The following TSNARE1 variants were observed in gnomAD, a reference collection of about 807,000 sequenced individuals.
TSNARE1 encodes t-SNARE domain-containing protein 1.
TSNARE1 carries 49 observed loss-of-function variants against 62.0 expected under a neutral mutation model. That is an observed-to-expected ratio of 0.79 (90% CI 0.63 to 1.00). The LOEUF (loss-of-function observed/expected upper bound fraction) is 1.00, where lower values mean the gene tolerates loss of function less well. Ranked by LOEUF, TSNARE1 falls within the 50% of genes least tolerant of loss-of-function variation. The pLI, the probability that TSNARE1 is intolerant of heterozygous loss-of-function variation, is 0.00. For missense variants in TSNARE1, 755 were observed against 700.1 expected, an observed-to-expected ratio of 1.08 and a Z score of -0.88; for synonymous variants, 328 against 294.4, an observed-to-expected ratio of 1.11 and a Z score of -1.17.
chr8:142,323,139 C>G (rs943282958), intron 6 of TSNARE1, among the ~76,000 whole-genome samples: 2 of 152,248 alleles, frequency 1.3e-5, no homozygotes, highest in Non-Finnish European at 2.9e-5. Flanking sequence ...CTAGCCATGT[C>G]TGTGGGCTGG....
At chr8:142,248,783 C>A (rs1818013904) in intron 12 of TSNARE1, among the ~76,000 whole-genome samples, 1 of 152,230 alleles carries the variant, frequency 6.6e-6, no homozygotes, top group South Asian at 2.1e-4. Context: ...TCCACGTCTC[C>A]CACCTGGAGG....
intron 1 of TSNARE1, among the ~76,000 whole-genome samples, chr8:142,366,879 A>T (rs982357900): frequency 1.3e-5 from 2 of 152,238 alleles, no homozygotes; most frequent in Non-Finnish European, 2.9e-5. Context: ...GGAAAACCCT[A>T]GCAAAACAAT....
chr8:142,289,564 C>T (rs1346409688), intron 10 of TSNARE1, among the ~76,000 whole-genome samples: 1 of 152,190 alleles, frequency 6.6e-6, no homozygotes, highest in East Asian at 1.9e-4. Flanking sequence ...AGGCTACGAA[C>T]ACACCACTGT....
At chr8:142,330,435 A>C (rs1830848769) in intron 6 of TSNARE1, among the ~76,000 whole-genome samples, 1 of 152,220 alleles carries the variant, frequency 6.6e-6, no homozygotes, top group Admixed American at 6.5e-5. Flanking sequence ...CAACTCCCCG[A>C]AAGGGCAGAA....
At chr8:142,355,533 T>G (rs1013571808) in intron 1 of TSNARE1, among the ~76,000 whole-genome samples, 1 of 152,182 alleles carries the variant, frequency 6.6e-6, no homozygotes, top group African/African-American at 2.4e-5. Context: ...TCCCGTGGGC[T>G]GCAGCTCCAG....
At chr8:142,288,604 C>T (rs1334595314) in intron 10 of TSNARE1, among the ~76,000 whole-genome samples, 1 of 152,252 alleles carries the variant, frequency 6.6e-6, no homozygotes, top group Non-Finnish European at 1.5e-5. Context: ...CAGGAGCCGG[C>T]ACTCGCGGAG....
At chr8:142,359,028 C>A (rs1291744293) in intron 1 of TSNARE1, among the ~76,000 whole-genome samples, 1 of 152,136 alleles carries the variant, frequency 6.6e-6, no homozygotes, top group Non-Finnish European at 1.5e-5. Context: ...CTGCCCCACA[C>A]CCTTGCTCAC....
intron 12 of TSNARE1, among the ~76,000 whole-genome samples, chr8:142,264,040 T>G (rs1259894087): frequency 1.3e-5 from 2 of 152,212 alleles, no homozygotes; most frequent in Admixed American, 6.5e-5. Context: ...TTTTCAGCTT[T>G]CTTTGGTAGT....
intron 3 of TSNARE1, 64 bp downstream of exon 3, chr8:142,345,679 T>G (rs1387498361): frequency 6.8e-7 from 1 of 1,477,796 alleles, no homozygotes; most frequent in Non-Finnish European, 9.0e-7. Context: ...CCTGCCCTCC[T>G]CAGCACCTGC....
chr8:142,329,070 C>A (rs2131968717), intron 6 of TSNARE1, among the ~76,000 whole-genome samples: 1 of 152,256 alleles, frequency 6.6e-6, no homozygotes, highest in Non-Finnish European at 1.5e-5. Flanking sequence ...GCAACTTCGT[C>A]AATGTGGAGG....
Position 142,331,785 on chromosome 8 carries a change from C to T in TSNARE1, c.792G>A (p.Met264Ile), listed in dbSNP as rs1242803895. The T allele has an allele frequency of 1.9e-6, 3 of 1,606,950 alleles. No homozygotes were observed. Among genetic ancestry groups the T allele is most frequent in the Admixed American group, 3.4e-5 (2 of 59,232 alleles). The change falls in exon 5 of 14, where the codon ATG becomes ATA. Residue 264 changes from methionine to isoleucine, a missense_variant. Physicochemically the swap from Met to Ile is conservative, Grantham distance 10 (BLOSUM62 1). Transcript: ENST00000524325. Reference protein sequence around the residue: ...PCNLQELFQEMSANVFRINSS... With the variant: ...PCNLQELFQEISANVFRINSS... Reference sequence around the variant, plus strand: ...AGTTGATTCGGAAGACGTTGGCCGACATCTCCTGGAACAGCTCCTGGAGGT... The same window carrying T: ...AGTTGATTCGGAAGACGTTGGCCGATATCTCCTGGAACAGCTCCTGGAGGT...
intron 12 of TSNARE1, among the ~76,000 whole-genome samples, chr8:142,230,851 C>T (rs1203812742): frequency 6.6e-6 from 1 of 150,890 alleles, no homozygotes; most frequent in Non-Finnish European, 1.5e-5. Context: ...CACCCATCTA[C>T]CCATCAATTC....
intron 12 of TSNARE1, among the ~76,000 whole-genome samples, chr8:142,252,518 C>A (rs372461787): frequency 2.0e-5 from 3 of 152,240 alleles, no homozygotes; most frequent in African/African-American, 7.2e-5. Context: ...CTGTGCCCAG[C>A]GCCCCAGCAG....
chr8:142,272,361 C>G (rs532822782), intron 12 of TSNARE1, among the ~76,000 whole-genome samples: 6 of 138,278 alleles, frequency 4.3e-5, no homozygotes, highest in African/African-American at 1.7e-4. Flanking sequence ...TCCACCCACC[C>G]GTCTACACCT....
chr8:142,295,595 T>C lies in TSNARE1; in HGVS notation c.1290+4891A>G, dbSNP rs1393487737. 2.0e-5 allele frequency among the ~76,000 whole-genome samples: 3 copies of C among 152,232 alleles called. No homozygotes were observed. The East Asian group carries it at 5.8e-4, about 29-fold the overall frequency. ...CACATAGGGGGCAGGCCCCCGTCAC[T>C]GGCAGCCCTCAGCCTCCACTGGCCG... is the stretch of plus-strand genomic sequence containing the variant. On this transcript the variant is annotated intron_variant, in intron 10 of 13. Coordinates refer to ENST00000524325, the MANE Select transcript of TSNARE1 (RefSeq NM_145003.5).
chr8:142,275,333 G>T, intron 11 of TSNARE1: 2 of 985,410 alleles, frequency 2.0e-6, no homozygotes, highest in Non-Finnish European at 2.4e-6. Context: ...TTTGCCACAC[G>T]CACTGGCCCT....
intron 9 of TSNARE1, among the ~76,000 whole-genome samples, chr8:142,313,412 G>C (rs1294989470): frequency 1.4e-4 from 21 of 149,138 alleles, no homozygotes; most frequent in African/African-American, 4.9e-4. Flanking sequence ...GTGTTTATGT[G>C]TCTGTGTGTT....
At chr8:142,318,753 G>A in intron 6 of TSNARE1, 119 bp from the exon 7 acceptor site, 1 of 850,412 alleles carries the variant, frequency 1.2e-6, no homozygotes, top group Non-Finnish European at 1.9e-6. Context: ...AGAGACAGAT[G>A]GATGGACAGG....
intron 13 of TSNARE1, among the ~76,000 whole-genome samples, chr8:142,229,265 G>A (rs928798436): frequency 1.3e-5 from 2 of 151,628 alleles, no homozygotes; most frequent in Non-Finnish European, 2.9e-5. Flanking sequence ...GATGGTGGAT[G>A]GGTGGATGGA....
Sources: gnomAD v4.1 joint callset for allele counts (sites outside exome capture counted in the v4.1 genomes callset) on GRCh38, gnomAD v4.1.1 for gene constraint, MANE v1.5 for transcripts, NCBI Gene and HGNC (gene_info 2026-07-23, HGNC 2026-07-21) for gene names.